Variants in FHOD3 observed in about 807,000 individuals in gnomAD.
FHOD3 encodes formin homology 2 domain containing 3, also known as FH1/FH2 domain-containing protein 3.
In FHOD3, 90 loss-of-function variants were observed where a neutral mutation model predicts 173.0. The ratio of observed to expected loss-of-function variants is 0.52; its 90% confidence interval spans 0.44 to 0.62. The LOEUF (loss-of-function observed/expected upper bound fraction) is 0.62, where lower values mean the gene tolerates loss of function less well. Among genes scored for constraint, FHOD3 ranks in the 20% least tolerant of loss-of-function variants. The pLI is 0.00. For missense variants in FHOD3, 1,945 were observed against 2,034.7 expected, an observed-to-expected ratio of 0.96 and a Z score of 0.85; for synonymous variants, 828 against 823.0, an observed-to-expected ratio of 1.01 and a Z score of -0.10.
chr18:36,512,740 A>AT (rs2055730658), intron 5 of FHOD3, among the ~76,000 whole-genome samples, 197 bp downstream of exon 5: 1 of 152,116 alleles, frequency 6.6e-6, no homozygotes, highest in Non-Finnish European at 1.5e-5. Flanking sequence ...AACTGTGCTA[A>AT]TTTTTACTGA....
At chr18:36,686,216 T>C (rs777634820) in intron 15 of FHOD3, among the ~76,000 whole-genome samples, 2 of 151,994 alleles carry the variant, frequency 1.3e-5, no homozygotes, top group Admixed American at 6.5e-5. Flanking sequence ...TGCCCATCAA[T>C]TGATAGACTG....
chr18:36,432,610 C>T (rs995465444), intron 3 of FHOD3, among the ~76,000 whole-genome samples: 4 of 152,132 alleles, frequency 2.6e-5, no homozygotes, highest in African/African-American at 9.7e-5. Flanking sequence ...GCCCATTCTT[C>T]TCAGGCCATG....
At chr18:36,711,282 C>T (rs150037971) in intron 18 of FHOD3, 144 of 152,272 alleles carry the variant, frequency 9.5e-4, no homozygotes, top group African/African-American at 3.3e-3. Context: ...GCTGTCAAAT[C>T]ACAGAGCAAC....
chr18:36,411,386 T>A (rs753337985), intron 3 of FHOD3, among the ~76,000 whole-genome samples: 1 of 152,220 alleles, frequency 6.6e-6, no homozygotes, highest in Non-Finnish European at 1.5e-5. Flanking sequence ...TCAAAGGGTA[T>A]CATTTGTTAC....
chr18:36,426,071 A>AT (rs60656479), intron 3 of FHOD3, among the ~76,000 whole-genome samples: 73,807 of 151,058 alleles, frequency 0.49, 18,282 homozygotes, highest in Middle Eastern at 0.62. Context: ...TGCCCGGCTA[A>AT]TTTTTTGTAT....
chr18:36,745,235 G>C (rs2042094556), intron 23 of FHOD3, among the ~76,000 whole-genome samples: 1 of 152,214 alleles, frequency 6.6e-6, no homozygotes, highest in Non-Finnish European at 1.5e-5. Context: ...CCGAGCAGGG[G>C]ACCCTGAACT....
intron 7 of FHOD3, among the ~76,000 whole-genome samples, chr18:36,598,557 ATT>A (rs35401627): frequency 4.7e-5 from 7 of 148,250 alleles, no homozygotes; most frequent in Admixed American, 6.7e-5. Context: ...TTGTTTTTAA[ATT>A]TTTTTTTTTT....
intron 27 of FHOD3, among the ~76,000 whole-genome samples, chr18:36,763,329 C>T (rs1457704138): frequency 7.4e-6 from 1 of 134,688 alleles, no homozygotes; most frequent in Non-Finnish European, 1.6e-5. Context: ...GTATTATACA[C>T]GTTATATACA....
At chr18:36,499,392 C>T (rs922955293) in intron 3 of FHOD3, among the ~76,000 whole-genome samples, 8 of 152,194 alleles carry the variant, frequency 5.3e-5, no homozygotes, top group South Asian at 2.1e-4. Context: ...GCCTGAGCCA[C>T]GGTGCCCAGC....
intron 11 of FHOD3, among the ~76,000 whole-genome samples, chr18:36,652,097 A>G (rs1253212377): frequency 1.3e-5 from 2 of 152,224 alleles, no homozygotes; most frequent in East Asian, 3.8e-4. Context: ...AGCAGTCACT[A>G]AAGTGTATGG....
At chr18:36,745,928 C>T (rs2042138328) in intron 23 of FHOD3, among the ~76,000 whole-genome samples, 1 of 151,952 alleles carries the variant, frequency 6.6e-6, no homozygotes, top group Non-Finnish European at 1.5e-5. Flanking sequence ...CCTTTCCCAT[C>T]TTAGCTACTT....
chr18:36,672,194 A>G (rs1161177862), intron 14 of FHOD3, among the ~76,000 whole-genome samples: 3 of 152,360 alleles, frequency 2.0e-5, no homozygotes, highest in East Asian at 1.9e-4. Context: ...GAGTCCGCCA[A>G]TGAAGTGCCA....
At chr18:36,619,305 A>G (rs897675160) in intron 9 of FHOD3, among the ~76,000 whole-genome samples, 6 of 152,212 alleles carry the variant, frequency 3.9e-5, no homozygotes, top group African/African-American at 1.2e-4. Flanking sequence ...TGTATCTGAC[A>G]TGACCACCTG....
chr18:36,596,321 ATTTTTTTTTT>A (rs539907617), intron 7 of FHOD3, among the ~76,000 whole-genome samples: 128 of 57,502 alleles, frequency 2.2e-3, no homozygotes, highest in African/African-American at 7.6e-3. Context: ...TGCCCAGCTA[ATTTTTTTTTT>A]TTTTTTTTTT....
intron 5 of FHOD3, among the ~76,000 whole-genome samples, chr18:36,571,100 T>A (rs531632031): frequency 6.6e-6 from 1 of 152,152 alleles, no homozygotes; most frequent in African/African-American, 2.4e-5. Context: ...TTATTGTCTA[T>A]GTACAAAATT....
At chr18:36,584,063 G>A (rs111443139) in intron 6 of FHOD3, among the ~76,000 whole-genome samples, 7,905 of 152,214 alleles carry the variant, frequency 0.052, 520 homozygotes, top group South Asian at 0.14. Context: ...CCTGAGCTTA[G>A]GTGATTCTCC....
Position 36,597,296 on chromosome 18 carries a change from C to T in FHOD3, c.718+2398C>T, listed in dbSNP as rs370516707. Among the ~76,000 whole-genome samples the T allele has an allele frequency of 1.4e-4, 22 of 152,308 alleles. No individual in the cohort carries two copies. The East Asian group carries it at 2.9e-3, about 20-fold the overall frequency. On this transcript the variant is annotated intron_variant, in intron 7 of 28. Transcript: ENST00000590592. ...ATCCATAGCCCCAGCCAGAGATTCTCGTCTGTCAGACCAAGTCTCTCCATC... is the reference window on the plus strand; with the variant it reads ...ATCCATAGCCCCAGCCAGAGATTCTTGTCTGTCAGACCAAGTCTCTCCATC...
intron 24 of FHOD3, among the ~76,000 whole-genome samples, chr18:36,753,472 C>T (rs1259310032): frequency 6.6e-6 from 1 of 152,208 alleles, no homozygotes; most frequent in African/African-American, 2.4e-5. Context: ...TTTCCATGGA[C>T]ATTTGGGTTG....
chr18:36,469,534 T>A (rs906034245), intron 3 of FHOD3, among the ~76,000 whole-genome samples: 2 of 152,042 alleles, frequency 1.3e-5, no homozygotes, highest in African/African-American at 4.8e-5. Flanking sequence ...GTAGTGGGAG[T>A]TCCAAAGTGG....
Sources: gnomAD v4.1 joint callset for allele counts (sites outside exome capture counted in the v4.1 genomes callset) on GRCh38, gnomAD v4.1.1 for gene constraint, MANE v1.5 for transcripts, NCBI Gene and HGNC (gene_info 2026-07-23, HGNC 2026-07-21) for gene names.